GLIS3: variants seen among roughly 807,000 people sequenced by gnomAD.
GLIS3 encodes zinc finger protein GLIS3.
In GLIS3, 53 loss-of-function variants were observed where a neutral mutation model predicts 78.6. The ratio of observed to expected loss-of-function variants is 0.67; its 90% CI spans 0.54 to 0.85. The LOEUF (loss-of-function observed/expected upper bound fraction) is 0.85, where lower values mean the gene tolerates loss of function less well. Ranked by LOEUF, GLIS3 falls within the 40% of genes least tolerant of loss-of-function variation. The pLI, the probability that GLIS3 is intolerant of heterozygous loss-of-function variation, is 0.00. For missense variants in GLIS3, 1,703 were observed against 1,231.1 expected (o/e 1.38, Z -5.74); for synonymous variants, 684 against 509.9 (o/e 1.34, Z -4.60).
At chr9:4,344,943 C>T (rs1264397099) in intron 2 of GLIS3, among the ~76,000 whole-genome samples, 1 of 152,222 alleles carries the variant, frequency 6.6e-6, no homozygotes, top group African/African-American at 2.4e-5. Context: ...CACTGCACTC[C>T]ATTCCAAGTT....
intron 9 of GLIS3, among the ~76,000 whole-genome samples, chr9:3,840,814 C>T (rs948340403): frequency 2.0e-5 from 3 of 152,186 alleles, no homozygotes; most frequent in Non-Finnish European, 4.4e-5. Context: ...CAGGCCACAG[C>T]GAGCTGCACT....
the GLIS3 span, among the ~76,000 whole-genome samples, chr9:4,453,856 G>A: frequency 6.6e-6 from 1 of 151,652 alleles, no homozygotes; most frequent in African/African-American, 2.4e-5. Context: ...CATGGGGTGG[G>A]AGGAAGGGGA....
chr9:4,301,216 C>A (rs1817058284), upstream of GLIS3, among the ~76,000 whole-genome samples: 1 of 152,112 alleles, frequency 6.6e-6, no homozygotes, highest in Non-Finnish European at 1.5e-5. Flanking sequence ...CCTTGGGACA[C>A]AAACTCATCA....
intron 2 of GLIS3, among the ~76,000 whole-genome samples, chr9:4,318,081 C>T (rs1322787979): frequency 6.6e-6 from 1 of 152,090 alleles, no homozygotes; most frequent in East Asian, 1.9e-4. Context: ...ATTTCAGCAG[C>T]TGGGAAAGGA....
intron 2 of GLIS3, among the ~76,000 whole-genome samples, chr9:4,234,093 T>C (rs1411460166): frequency 6.6e-6 from 1 of 151,990 alleles, no homozygotes; most frequent in South Asian, 2.1e-4. Flanking sequence ...AGTATGACTG[T>C]CCATCCAGAC....
At chr9:4,447,707 T>G in the GLIS3 span, among the ~76,000 whole-genome samples, 8 of 152,232 alleles carry the variant, frequency 5.3e-5, no homozygotes, top group South Asian at 1.7e-3. Flanking sequence ...AAATTTTTTC[T>G]CCATTAGATG....
At chr9:4,370,632 A>C in the GLIS3 span, among the ~76,000 whole-genome samples, 1 of 152,102 alleles carries the variant, frequency 6.6e-6, no homozygotes, top group Non-Finnish European at 1.5e-5. Context: ...CAGGATTTCT[A>C]AATATTAAAC....
At chr9:4,239,108 T>C (rs1438702449) in intron 2 of GLIS3, among the ~76,000 whole-genome samples, 4 of 142,476 alleles carry the variant, frequency 2.8e-5, no homozygotes, top group Admixed American at 7.5e-5. Flanking sequence ...TTGGGTTGGT[T>C]CCAAGTCTTT....
intron 4 of GLIS3, among the ~76,000 whole-genome samples, chr9:4,058,090 G>T (rs185835402): frequency 6.6e-6 from 1 of 152,262 alleles, no homozygotes; most frequent in Admixed American, 6.5e-5. Context: ...CCTGATGCAT[G>T]GATTGTACCA....
chr9:4,217,752 C>T (rs1326752003), intron 2 of GLIS3, among the ~76,000 whole-genome samples: 1 of 152,112 alleles, frequency 6.6e-6, no homozygotes. Context: ...AAAAATAACT[C>T]CTCATTTTCA....
intron 2 of GLIS3, among the ~76,000 whole-genome samples, chr9:4,138,754 G>A (rs976094679): frequency 6.6e-6 from 1 of 152,200 alleles, no homozygotes; most frequent in African/African-American, 2.4e-5. Context: ...TCATAAGGCT[G>A]TTTGGAGTAT....
At chr9:4,426,240 C>G in the GLIS3 span, among the ~76,000 whole-genome samples, 1 of 152,108 alleles carries the variant, frequency 6.6e-6, no homozygotes, top group Non-Finnish European at 1.5e-5. Context: ...TAGGCTGAGT[C>G]GATTTTAGAA....
At chr9:4,416,122 C>A in the GLIS3 span, among the ~76,000 whole-genome samples, 1 of 151,614 alleles carries the variant, frequency 6.6e-6, no homozygotes, top group African/African-American at 2.4e-5. Flanking sequence ...TGCAGTGGCT[C>A]ATGCCTATAA....
chr9:4,052,367 A>C (rs1215852218), intron 4 of GLIS3, among the ~76,000 whole-genome samples: 1 of 152,212 alleles, frequency 6.6e-6, no homozygotes, highest in East Asian at 1.9e-4. Flanking sequence ...TAGCCATTTA[A>C]AAGTACATAC....
intron 3 of GLIS3, among the ~76,000 whole-genome samples, chr9:4,120,138 A>G (rs941133831): frequency 3.2e-4 from 49 of 152,368 alleles, no homozygotes; most frequent in African/African-American, 1.1e-3. Context: ...GCTGTTAAAC[A>G]TCAACCTGTC....
chr9:4,049,602 T>G (rs16920513), intron 4 of GLIS3, among the ~76,000 whole-genome samples: 1 of 152,068 alleles, frequency 6.6e-6, no homozygotes, highest in Non-Finnish European at 1.5e-5. Flanking sequence ...TGCGCACACA[T>G]AGGAATAAGC....
rs573836546 is a variant in GLIS3, at chr9:4,167,531, C to A, written c.389-41590G>T. On this transcript the variant is annotated intron_variant, in intron 2 of 10. Transcript: ENST00000381971. ...ACAGTGTCTTACCCATCAGTACATT[C>A]TCCATGCCTGACAGAGTGCTGGTAC... Among the ~76,000 whole-genome samples, 4 of 152,306 alleles carry A rather than the reference C, an allele frequency of 2.6e-5. No homozygotes were observed. The South Asian group carries it at 8.3e-4, about 32-fold the overall frequency.
At chr9:4,381,754 A>G in the GLIS3 span, among the ~76,000 whole-genome samples, 1 of 152,172 alleles carries the variant, frequency 6.6e-6, no homozygotes, top group Admixed American at 6.5e-5. Context: ...GGAATCCACA[A>G]ACTCCATTTT....
chr9:4,297,519 G>A (rs1049361031), intron 1 of GLIS3, among the ~76,000 whole-genome samples: 1 of 152,312 alleles, frequency 6.6e-6, no homozygotes, highest in East Asian at 1.9e-4. Flanking sequence ...CAGGGCCCTG[G>A]GGCCCCAACT....
Sources: allele counts gnomAD v4.1 joint callset (sites outside exome capture counted in the v4.1 genomes callset), GRCh38; gene constraint gnomAD v4.1.1; transcripts MANE v1.5; gene names NCBI Gene and HGNC (gene_info 2026-07-23, HGNC 2026-07-21).